The following ASTN2 variants were observed in gnomAD, a reference collection of about 807,000 sequenced individuals.
ASTN2 encodes the protein astrotactin 2.
ASTN2 carries 54 observed loss-of-function variants against 139.8 expected under a neutral mutation model. The ratio of observed to expected loss-of-function variants is 0.39; its 90% CI spans 0.31 to 0.48. ASTN2 has a LOEUF of 0.48. Among genes scored for constraint, ASTN2 ranks in the 20% least tolerant of loss-of-function variants. The pLI, the probability that ASTN2 is intolerant of heterozygous loss-of-function variation, is 0.95. For missense variants in ASTN2, 1,565 were observed against 1,725.1 expected (o/e 0.91, Z 1.64); for synonymous variants, 756 against 719.5 (o/e 1.05, Z -0.81).
intron 3 of ASTN2, among the ~76,000 whole-genome samples, chr9:117,201,576 C>T (rs1831721200): frequency 6.6e-6 from 1 of 152,092 alleles, no homozygotes; most frequent in Admixed American, 6.5e-5. Context: ...TTCTTGATTT[C>T]TGCCTTAATT....
chr9:116,708,280 T>A (rs1828047386), intron 16 of ASTN2, among the ~76,000 whole-genome samples: 1 of 152,200 alleles, frequency 6.6e-6, no homozygotes, highest in Admixed American at 6.5e-5. Flanking sequence ...ATGTTAATGC[T>A]GAAGTTCTAT....
intron 2 of ASTN2, among the ~76,000 whole-genome samples, chr9:117,225,535 G>GTATATATATATATATATATA (rs58184768): frequency 9.4e-5 from 6 of 63,962 alleles, no homozygotes; most frequent in African/African-American, 2.6e-4. Context: ...CAAGCTGTAT[G>GTATATATATATATATATATA]TATATATATA....
At chr9:116,585,048 A>G (rs1403472354) in intron 19 of ASTN2, 1 of 152,248 alleles carries the variant, frequency 6.6e-6, no homozygotes, top group African/African-American at 2.4e-5. Flanking sequence ...AAGAAGCAAC[A>G]CTTGAGTAGT....
chr9:116,600,071 G>A (rs372728873), intron 19 of ASTN2, among the ~76,000 whole-genome samples: 24 of 152,058 alleles, frequency 1.6e-4, no homozygotes, highest in African/African-American at 5.1e-4. Context: ...GCCTGTAATC[G>A]CAGTACTTTG....
intron 4 of ASTN2, among the ~76,000 whole-genome samples, chr9:117,133,582 A>G (rs1029702905): frequency 1.3e-5 from 2 of 152,206 alleles, no homozygotes; most frequent in African/African-American, 4.8e-5. Context: ...CAGGCTAGCC[A>G]ATGGGAACAC....
intron 10 of ASTN2, among the ~76,000 whole-genome samples, chr9:116,890,755 T>C (rs1300851067): frequency 1.3e-5 from 2 of 152,020 alleles, no homozygotes; most frequent in South Asian, 2.1e-4. Flanking sequence ...TCTAATATTA[T>C]CTCATTCAGC....
intron 1 of ASTN2, among the ~76,000 whole-genome samples, chr9:117,380,314 A>G (rs1434078011): frequency 6.6e-6 from 1 of 152,096 alleles, no homozygotes; most frequent in African/African-American, 2.4e-5. Flanking sequence ...GCTATAAAAG[A>G]ATGATGACCA....
At chr9:116,946,876 A>C (rs1256206804) in intron 10 of ASTN2, among the ~76,000 whole-genome samples, 2 of 146,380 alleles carry the variant, frequency 1.4e-5, no homozygotes, top group Non-Finnish European at 3.0e-5. Context: ...CAACCTCCAT[A>C]ATGGGAATTG....
rs1303418238 is a variant in ASTN2, at chr9:116,565,375, CTCTCTCTCTCTCCATA to C, written c.3355+52933_3355+52948del. 5.9e-3 allele frequency among the ~76,000 whole-genome samples: 180 copies of C among 30,560 alleles called. 1 individual carries two copies. Among genetic ancestry groups the C allele is most frequent in the African/African-American group, 0.028 (177 of 6,344 alleles). 20.0% of individuals were successfully genotyped at this position (30,560 alleles called of 152,430 possible). On this transcript the variant is annotated intron_variant, in intron 19 of 22. Transcript: ENST00000313400. ...TTTCTCTCTCTCTCTCTCTCTCTCT[CTCTCTCTCTCTCCATA>C]TATATATATATATATATATATATAT...
At chr9:116,436,302 A>G (rs1847647055) in intron 22 of ASTN2, among the ~76,000 whole-genome samples, 1 of 152,200 alleles carries the variant, frequency 6.6e-6, no homozygotes, top group African/African-American at 2.4e-5. Context: ...TTGGAGAGAC[A>G]TAAGGGATGC....
chr9:116,533,790 G>A (rs112720353), intron 19 of ASTN2, among the ~76,000 whole-genome samples: 2 of 152,104 alleles, frequency 1.3e-5, no homozygotes, highest in African/African-American at 2.4e-5. Flanking sequence ...TTTTTGCATC[G>A]ATGTTCATCA....
rs768336228 is a variant in ASTN2 at position 116,698,268 on chromosome 9, GAC to G, written c.2806+27501_2806+27502del. ...GGCAGCCTTGGAAGGTGTCTCCAAG[GAC>G]CTTCAGGCAAGGTATAAAGCAGTTC... is the stretch of plus-strand genomic sequence containing the variant. On this transcript the variant is annotated intron_variant, in intron 16 of 22. Coordinates refer to ENST00000313400, the MANE Select transcript of ASTN2 (RefSeq NM_001365068.1). This position sits in a 1 kb window ranked among gnomAD's most constrained non-coding sequence, Gnocchi z 4.4. 6.2e-7 allele frequency: 1 copy of G among 1,614,166 alleles called. No homozygotes were observed. Among genetic ancestry groups the G allele is most frequent in the Admixed American group, 1.7e-5 (1 of 60,032 alleles).
chr9:117,342,297 C>T (rs1343897348), intron 1 of ASTN2, among the ~76,000 whole-genome samples: 1 of 152,176 alleles, frequency 6.6e-6, no homozygotes, highest in Non-Finnish European at 1.5e-5. Flanking sequence ...TTACTGTTGG[C>T]ATGCCACTTA....
At chr9:116,789,683 G>A (rs1830479278) in intron 13 of ASTN2, among the ~76,000 whole-genome samples, 1 of 152,142 alleles carries the variant, frequency 6.6e-6, no homozygotes, top group Non-Finnish European at 1.5e-5. Context: ...ATACACATGT[G>A]TGGGCTTATT....
intron 10 of ASTN2, among the ~76,000 whole-genome samples, chr9:116,942,736 T>G (rs1835275927): frequency 6.6e-6 from 1 of 152,158 alleles, no homozygotes; most frequent in Non-Finnish European, 1.5e-5. Flanking sequence ...TAGGGAACAT[T>G]TCTAGATGAC....
chr9:117,094,700 G>A (rs1478381929), intron 5 of ASTN2, among the ~76,000 whole-genome samples: 2 of 152,116 alleles, frequency 1.3e-5, no homozygotes, highest in East Asian at 1.9e-4. Context: ...CCCACGTGGG[G>A]CTTTTCAGGG....
chr9:116,654,043 T>C (rs190307012), intron 16 of ASTN2, among the ~76,000 whole-genome samples: 123 of 152,338 alleles, frequency 8.1e-4, no homozygotes, highest in Admixed American at 2.7e-3. Flanking sequence ...ACCAGACGGA[T>C]AGTTTTGAGG....
At chr9:116,874,756 C>A (rs568434005) in intron 10 of ASTN2, among the ~76,000 whole-genome samples, 21 of 152,302 alleles carry the variant, frequency 1.4e-4, no homozygotes, top group Admixed American at 1.0e-3. Context: ...TTGTACCTCA[C>A]TTTATTGCTC....
intron 1 of ASTN2, among the ~76,000 whole-genome samples, chr9:117,370,032 G>C (rs1026672895): frequency 2.0e-5 from 3 of 152,088 alleles, no homozygotes; most frequent in African/African-American, 7.2e-5. Context: ...CCTAAGTCCA[G>C]GTATATTACC....
Sources: allele counts gnomAD v4.1 joint callset (sites outside exome capture counted in the v4.1 genomes callset), GRCh38; gene constraint gnomAD v4.1.1; non-coding constraint Gnocchi (gnomAD v3.1); transcripts MANE v1.5; gene names NCBI Gene and HGNC (gene_info 2026-07-23, HGNC 2026-07-21).